The following RNF220 variants were observed in gnomAD, a reference collection of about 807,000 sequenced individuals.
The protein encoded by RNF220 is E3 ubiquitin-protein ligase RNF220.
Under a neutral mutation model 67.1 loss-of-function variants are expected in RNF220, and 7 were observed. The observed-to-expected ratio is 0.10, with a 90% confidence interval of 0.06 to 0.20. RNF220 has a LOEUF of 0.20. RNF220 is among the 10% of genes least tolerant of loss of function. The probability of loss-of-function intolerance (pLI) is 1.00; values close to 1 mark genes in which losing one functional copy is unlikely to be tolerated. For synonymous variants in RNF220, 270 were observed against 283.2 expected (o/e 0.95, Z 0.47); for missense variants, 565 against 740.3 (o/e 0.76, Z 2.75).
rs778546662 is a variant in RNF220 at position 44,644,813 on chromosome 1, G to GGGGGCTGGT, written c.1223+27_1223+35dup. The GGGGGCTGGT allele has an allele frequency of 5.7e-5, 91 of 1,595,938 alleles. No individual in the cohort carries two copies. The African/African-American group carries it at 1.2e-3, about 20-fold the overall frequency. On this transcript the variant is annotated intron_variant, in intron 9 of 14. Transcript: ENST00000361799. ...AGCCACAGTATCCTTGGAGCACTAT[G>GGGGGCTGGT]GGGGCTGGTGGGGCTGATAGGGCAG...
chr1:44,568,193 C>T (rs1211440943), intron 2 of RNF220, among the ~76,000 whole-genome samples: 2 of 152,330 alleles, frequency 1.3e-5, no homozygotes, highest in South Asian at 2.1e-4. Context: ...CCTCCAGTAA[C>T]GAGCCCTCCC....
At chr1:44,501,520 G>A (rs1454622147) in intron 2 of RNF220, among the ~76,000 whole-genome samples, 1 of 147,882 alleles carries the variant, frequency 6.8e-6, no homozygotes, top group Non-Finnish European at 1.5e-5. Context: ...GTGGAGGAAG[G>A]CTGGGCAGAG....
At chr1:44,469,165 A>C (rs1031138341) in intron 2 of RNF220, among the ~76,000 whole-genome samples, 9 of 152,308 alleles carry the variant, frequency 5.9e-5, no homozygotes, top group African/African-American at 2.2e-4. Flanking sequence ...AGGAAAGAAA[A>C]CCCACAGGGA....
At chr1:44,494,651 G>T (rs1325541306) in intron 2 of RNF220, among the ~76,000 whole-genome samples, 1 of 151,952 alleles carries the variant, frequency 6.6e-6, no homozygotes, top group Non-Finnish European at 1.5e-5. Context: ...TTGTGGAAAT[G>T]TATTTGTTTG....
At chr1:44,563,267 GC>G (rs976374234) in intron 2 of RNF220, among the ~76,000 whole-genome samples, 4 of 151,902 alleles carry the variant, frequency 2.6e-5, no homozygotes, top group African/African-American at 9.7e-5. Context: ...CTGGAGCTGA[GC>G]CTCCTCTAAC....
intron 2 of RNF220, among the ~76,000 whole-genome samples, chr1:44,612,332 A>G (rs778916953): frequency 3.3e-5 from 5 of 152,236 alleles, no homozygotes; most frequent in Non-Finnish European, 5.9e-5. Flanking sequence ...AAATATAAAG[A>G]TAGATAAGAA....
intron 2 of RNF220, among the ~76,000 whole-genome samples, chr1:44,598,309 T>A (rs1017922011): frequency 1.3e-5 from 2 of 152,116 alleles, no homozygotes; most frequent in African/African-American, 2.4e-5. Flanking sequence ...TTGCTATTAA[T>A]CACCCCTCCT....
intron 2 of RNF220, among the ~76,000 whole-genome samples, chr1:44,456,703 C>T (rs553610942): frequency 3.3e-5 from 5 of 152,320 alleles, no homozygotes; most frequent in African/African-American, 1.2e-4. Context: ...AAATCACAAA[C>T]CTGAAAACGT....
chr1:44,412,739 C>A lies in RNF220; in HGVS notation c.625+17C>A. ...ATGACAGATGTAAGTACTTTGGTTC[C>A]AGCCCTCCCTTACCCCCAGTAAGCC... is the stretch of plus-strand genomic sequence containing the variant. On this transcript the variant is annotated intron_variant, in intron 2 of 14. Coordinates refer to ENST00000361799, the MANE Select transcript of RNF220 (RefSeq NM_018150.4). This position sits in a 1 kb window ranked among gnomAD's most constrained non-coding sequence, Gnocchi z 5.3. 6.2e-7 allele frequency: 1 copy of A among 1,606,198 alleles called. No homozygotes were observed. The highest frequency in any genetic ancestry group is 8.5e-7 in the Non-Finnish European group (1 of 1,175,280).
At chr1:44,519,260 A>G (rs12749754) in intron 2 of RNF220, among the ~76,000 whole-genome samples, 16,868 of 152,306 alleles carry the variant, frequency 0.11, 962 homozygotes, top group Middle Eastern at 0.14. Flanking sequence ...TCATTAATCA[A>G]CAAATATCTA....
intron 1 of RNF220, among the ~76,000 whole-genome samples, chr1:44,405,975 G>A: frequency 6.6e-6 from 1 of 152,186 alleles, no homozygotes; most frequent in South Asian, 2.1e-4. Context: ...GCTCTCTGGT[G>A]CACCCCCCGG....
intron 2 of RNF220, among the ~76,000 whole-genome samples, chr1:44,502,052 AACAC>A (rs56978327): frequency 0.16 from 18,837 of 121,004 alleles, 1,672 homozygotes; most frequent in East Asian, 0.27. Flanking sequence ...ACACCACTGA[AACAC>A]ACACACACAC....
intron 2 of RNF220, among the ~76,000 whole-genome samples, chr1:44,511,777 C>T (rs141174271): frequency 6.9e-4 from 105 of 152,202 alleles, no homozygotes; most frequent in Middle Eastern, 3.4e-3. Flanking sequence ...AGAAGTGAAA[C>T]GGATGTGACT....
intron 5 of RNF220, among the ~76,000 whole-genome samples, chr1:44,629,735 A>G (rs897898526): frequency 1.3e-5 from 2 of 152,214 alleles, no homozygotes; most frequent in East Asian, 1.9e-4. Flanking sequence ...ACTACAGTAG[A>G]AGGAGGAGAA....
In RNF220 at chr1:44,632,405, T is replaced by TGC; in HGVS notation, c.949+20_949+21insGC. On this transcript the variant is annotated intron_variant, in intron 6 of 14. Coordinates refer to ENST00000361799, the MANE Select transcript of RNF220 (RefSeq NM_018150.4). ...TGAATGGTGAGTCCTGCCCGGCCCC[T>TGC]CCCTCCGCCCCACCCCCGGCCTCCT... 2.7e-6 allele frequency: 3 copies of TGC among 1,104,944 alleles called. No individual in the cohort carries two copies. Among genetic ancestry groups the TGC allele is most frequent in the Non-Finnish European group, 3.5e-6 (3 of 863,444 alleles). The allele number at this position is 1,104,944 out of a possible 1,614,324, so 68.4% of individuals were successfully genotyped here.
rs529036483 is a variant in RNF220, at chr1:44,645,430, G to A, written c.1387G>A (p.Gly463Ser). 1 of 1,614,098 alleles carries A rather than the reference G, an allele frequency of 6.2e-7. No individual in the cohort carries two copies. Among genetic ancestry groups the A allele is most frequent in the East Asian group, 2.2e-5 (1 of 44,864 alleles). Residue 463 changes from glycine (G) to serine (S), a missense_variant, in exon 12 of 15, where the codon GGT (glycine) becomes AGT (serine). By Grantham distance (56) the Gly-to-Ser change is moderately conservative. Coordinates refer to ENST00000361799, the MANE Select transcript of RNF220 (RefSeq NM_018150.4). This position sits in a 1 kb window ranked among gnomAD's most constrained non-coding sequence, Gnocchi z 5.0. ...AGCAGAGATGCCATCCACCAGCAAT[G>A]GTGAAAGCAGCAAGCAGGAGGCCAT... ...ASDEMPSTSNGESSKQEAMQK... is the reference protein window; with the variant it reads ...ASDEMPSTSNSESSKQEAMQK...
chr1:44,555,286 T>G (rs1048051329), intron 2 of RNF220, among the ~76,000 whole-genome samples: 70 of 152,120 alleles, frequency 4.6e-4, no homozygotes, highest in Admixed American at 2.0e-3. Context: ...CAGGAATGTC[T>G]CGAACTCCTG....
At position 44,650,899 on chromosome 1, in the gene RNF220, C is replaced by CA; in HGVS notation, c.*127dup. ...CCCCATGTACATACATGCACATACT[C>CA]AAACATGCGTACACACACACACATT... On this transcript the variant is annotated 3_prime_UTR_variant, in exon 15 of 15. Coordinates refer to ENST00000361799, the MANE Select transcript of RNF220 (RefSeq NM_018150.4). The surrounding 1 kb of genome is among the most constrained non-coding windows in gnomAD (Gnocchi z 4.3). 1.2e-6 allele frequency: 1 copy of CA among 810,364 alleles called. No individual in the cohort carries two copies. The highest frequency in any genetic ancestry group is 1.9e-5 in the Admixed American group (1 of 51,528). The allele number at this position is 810,364 out of a possible 1,614,324, so 50.2% of individuals were successfully genotyped here.
chr1:44,546,167 T>C (rs1250721770), intron 2 of RNF220, among the ~76,000 whole-genome samples: 1 of 152,128 alleles, frequency 6.6e-6, no homozygotes, highest in Admixed American at 6.5e-5. Context: ...AAGCATGGGC[T>C]GCAGGACGTG....
Sources: gnomAD v4.1 joint callset for allele counts (sites outside exome capture counted in the v4.1 genomes callset) on GRCh38, gnomAD v4.1.1 for gene constraint, Gnocchi (gnomAD v3.1) non-coding constraint, MANE v1.5 for transcripts, NCBI Gene and HGNC (gene_info 2026-07-23, HGNC 2026-07-21) for gene names.